Variants in WDR64 observed in about 807,000 individuals in gnomAD.
The protein encoded by WDR64 is WD repeat domain 64, also known as WD repeat-containing protein 64.
A neutral mutation model predicts 139.3 loss-of-function variants in WDR64; 112 were observed. The ratio of observed to expected loss-of-function variants is 0.80; its 90% CI spans 0.69 to 0.94. The LOEUF is 0.94. Among genes scored for constraint, WDR64 ranks in the 40% least tolerant of loss-of-function variants. The pLI, the probability that WDR64 is intolerant of heterozygous loss-of-function variation, is 0.00. For missense variants in WDR64, 1,206 were observed against 1,293.1 expected, an observed-to-expected ratio of 0.93 and a Z score of 1.03; for synonymous variants, 444 against 437.7, an observed-to-expected ratio of 1.01 and a Z score of -0.18.
At chr1:241,729,425 T>A (rs1574048703) in intron 10 of WDR64, among the ~76,000 whole-genome samples, 1 of 152,238 alleles carries the variant, frequency 6.6e-6, no homozygotes, top group Non-Finnish European at 1.5e-5. Context: ...AGGCCCCTCA[T>A]GCCTTACAAA....
At chr1:241,758,116 C>T (rs1381599434) in intron 15 of WDR64, among the ~76,000 whole-genome samples, 4 of 152,084 alleles carry the variant, frequency 2.6e-5, no homozygotes, top group African/African-American at 9.7e-5. Context: ...ACAGTTGACG[C>T]CATAGTTTTC....
At chr1:241,780,605 C>CT (rs545506619) in intron 22 of WDR64, among the ~76,000 whole-genome samples, 78 of 152,006 alleles carry the variant, frequency 5.1e-4, no homozygotes, top group Non-Finnish European at 8.4e-4. Context: ...TAAATAGATA[C>CT]TTTTTTTTGG....
At chr1:241,657,750 T>C (rs1404853699) in intron 1 of WDR64, among the ~76,000 whole-genome samples, 1 of 152,224 alleles carries the variant, frequency 6.6e-6, no homozygotes, top group Non-Finnish European at 1.5e-5. Context: ...TACAACAACT[T>C]GTTTATTTTA....
intron 20 of WDR64, among the ~76,000 whole-genome samples, chr1:241,773,462 T>C (rs1386310300): frequency 6.6e-6 from 1 of 152,060 alleles, no homozygotes; most frequent in African/African-American, 2.4e-5. Flanking sequence ...GAGGAGGGCA[T>C]TAGTTGTTTG....
intron 10 of WDR64, among the ~76,000 whole-genome samples, chr1:241,725,722 A>G (rs1668801718): frequency 6.6e-6 from 1 of 152,134 alleles, no homozygotes; most frequent in Non-Finnish European, 1.5e-5. Context: ...TCACCTGCCA[A>G]TATGGTAGCC....
intron 10 of WDR64, among the ~76,000 whole-genome samples, chr1:241,736,349 T>C (rs1459238574): frequency 6.6e-6 from 1 of 150,928 alleles, no homozygotes; most frequent in African/African-American, 2.5e-5. Flanking sequence ...AAGAAATAGT[T>C]CATCAAAGCA....
chr1:241,655,862 T>C (rs886103287), intron 1 of WDR64, among the ~76,000 whole-genome samples: 3 of 152,160 alleles, frequency 2.0e-5, no homozygotes, highest in African/African-American at 7.2e-5. Flanking sequence ...ACCTGCTTCA[T>C]TTAACCTGCT....
intron 27 of WDR64, among the ~76,000 whole-genome samples, chr1:241,797,808 C>T (rs1213163318): frequency 1.3e-5 from 2 of 151,704 alleles, no homozygotes; most frequent in Non-Finnish European, 2.9e-5. Flanking sequence ...AAAAAAAATC[C>T]AAAACTAAAG....
At chr1:241,691,622 C>A (rs1667293564) in intron 8 of WDR64, among the ~76,000 whole-genome samples, 1 of 148,032 alleles carries the variant, frequency 6.8e-6, no homozygotes, top group African/African-American at 2.5e-5. Context: ...GACAGTTTTC[C>A]CACTAAGATC....
chr1:241,706,685 A>G (rs1219163295), intron 8 of WDR64, among the ~76,000 whole-genome samples: 2 of 152,244 alleles, frequency 1.3e-5, no homozygotes, highest in Admixed American at 6.5e-5. Context: ...ATTCTTTCAC[A>G]TAGAGATAAT....
intron 8 of WDR64, among the ~76,000 whole-genome samples, chr1:241,695,382 A>C (rs1387511352): frequency 6.6e-6 from 1 of 152,142 alleles, no homozygotes; most frequent in Non-Finnish European, 1.5e-5. Flanking sequence ...CAGCCATGCT[A>C]CCATATTTAT....
At chr1:241,773,033 AT>A (rs893733325) in intron 20 of WDR64, 102 bp downstream of exon 20, 1 of 1,334,344 alleles carries the variant, frequency 7.5e-7, no homozygotes, top group Non-Finnish European at 9.8e-7. Context: ...CAATTATAAT[AT>A]TTTTTCAACT....
At chr1:241,761,371 C>A (rs1429862376) in intron 15 of WDR64, among the ~76,000 whole-genome samples, 1 of 151,990 alleles carries the variant, frequency 6.6e-6, no homozygotes, top group Non-Finnish European at 1.5e-5. Context: ...TAGCCCCAAA[C>A]TTACCCTTCT....
intron 5 of WDR64, among the ~76,000 whole-genome samples, chr1:241,679,190 C>T (rs1162851420): frequency 6.6e-6 from 1 of 152,162 alleles, no homozygotes; most frequent in Non-Finnish European, 1.5e-5. Flanking sequence ...AGCAGTCTCA[C>T]AGCAGTGAAT....
chr1:241,801,108 A>C, intron 27 of WDR64, 24 bp from the exon 28 acceptor site: 1 of 1,604,358 alleles, frequency 6.2e-7, no homozygotes, highest in Non-Finnish European at 8.5e-7. Context: ...CCAGTTACTA[A>C]CTGACATGCT....
intron 19 of WDR64, among the ~76,000 whole-genome samples, chr1:241,771,945 CATAT>C (rs57383177): frequency 0.05 from 3,138 of 62,188 alleles, 98 homozygotes; most frequent in Middle Eastern, 0.08. Context: ...TACATACATA[CATAT>C]ATATATATAT....
chr1:241,751,863 G>C (rs1669992785), intron 14 of WDR64, among the ~76,000 whole-genome samples: 1 of 152,122 alleles, frequency 6.6e-6, no homozygotes, highest in Non-Finnish European at 1.5e-5. Context: ...CATAATCTCA[G>C]TTTTAAGGGG....
intron 8 of WDR64, among the ~76,000 whole-genome samples, chr1:241,692,921 G>A (rs914091401): frequency 6.6e-6 from 1 of 152,180 alleles, no homozygotes; most frequent in African/African-American, 2.4e-5. Flanking sequence ...CCAAATGCTG[G>A]TGGGGTGTGG....
At position 241,674,690 on chromosome 1, in the gene WDR64, C is replaced by G. The variant is rs1440765243; in HGVS notation, c.426C>G (p.His142Gln). 1.3e-6 allele frequency: 2 copies of G among 1,550,166 alleles called. No individual in the cohort carries two copies. Among genetic ancestry groups the G allele is most frequent in the Non-Finnish European group, 1.7e-6 (2 of 1,146,134 alleles). ...TTAAGAGCATTGTCAAGATACCTCA[C>G]CTGGATTTACTAATAACAGCTACTC... ...DVIKSIVKIP[H>Q]LDLLITATQK... The change falls in exon 4 of 28, where the codon CAC becomes CAG. Residue 142 changes from histidine (H) to glutamine (Q), a missense_variant. His to Gln is a conservative substitution (Grantham distance 24, BLOSUM62 0). Transcript: ENST00000437684.
Sources: gnomAD v4.1 joint callset for allele counts (sites outside exome capture counted in the v4.1 genomes callset) on GRCh38, gnomAD v4.1.1 for gene constraint, MANE v1.5 for transcripts, NCBI Gene and HGNC (gene_info 2026-07-23, HGNC 2026-07-21) for gene names.